DMD: variants seen among roughly 807,000 people sequenced by gnomAD.
DMD encodes mutant dystrophin.
A neutral mutation model predicts 330.1 loss-of-function variants in DMD; 63 were observed. That is an observed-to-expected ratio of 0.19 (90% confidence interval 0.16 to 0.24). The LOEUF is 0.24. Among genes scored for constraint, DMD ranks in the 10% least tolerant of loss-of-function variants. The pLI is 1.00. For synonymous variants in DMD, 1,223 were observed against 959.8 expected (o/e 1.27, Z -5.07); for missense variants, 3,344 against 2,684.1 (o/e 1.25, Z -5.43).
At chrX:32,165,125 G>T (rs1303802987) in intron 44 of DMD, among the ~76,000 whole-genome samples, 1 of 112,391 alleles carries the variant, frequency 8.9e-6, no homozygotes, top group Non-Finnish European at 1.9e-5. Context: ...CCCCAACACA[G>T]AGTCCCCACT....
intron 6 of DMD, among the ~76,000 whole-genome samples, chrX:32,815,602 T>C (rs778127285): frequency 2.7e-4 from 29 of 106,884 alleles, no homozygotes; most frequent in African/African-American, 9.9e-4. Context: ...ATTGTATCTC[T>C]AAGTGTATGT....
At chrX:31,571,491 G>A (rs1413437135) in intron 55 of DMD, among the ~76,000 whole-genome samples, 1 of 110,361 alleles carries the variant, frequency 9.1e-6, no homozygotes, top group Non-Finnish European at 1.9e-5. Context: ...TAGATTGTGA[G>A]CTCTGACTTC....
intron 50 of DMD, among the ~76,000 whole-genome samples, chrX:31,781,527 C>A (rs1410400507): frequency 8.9e-6 from 1 of 111,844 alleles, no homozygotes; most frequent in East Asian, 2.8e-4. Context: ...TTAAATATTA[C>A]CCTTGAGAAA....
intron 44 of DMD, among the ~76,000 whole-genome samples, chrX:32,194,401 C>T (rs1186484895): frequency 3.6e-5 from 4 of 112,013 alleles, no homozygotes; most frequent in Non-Finnish European, 7.5e-5. Context: ...ATTCTATTAC[C>T]GTAATTGAGT....
intron 9 of DMD, among the ~76,000 whole-genome samples, chrX:32,693,373 G>A (rs1268286988): frequency 8.9e-6 from 1 of 112,131 alleles, no homozygotes; most frequent in Non-Finnish European, 1.9e-5. Flanking sequence ...AATACATATA[G>A]ACACATGATT....
intron 43 of DMD, among the ~76,000 whole-genome samples, chrX:32,257,043 C>T (rs1161472975): frequency 3.6e-5 from 4 of 111,521 alleles, no homozygotes; most frequent in Non-Finnish European, 5.6e-5. Flanking sequence ...AGAGCCAAAT[C>T]GTGGGTGAAC....
At chrX:31,894,987 A>G (rs1416925197) in intron 47 of DMD, among the ~76,000 whole-genome samples, 1 of 112,155 alleles carries the variant, frequency 8.9e-6, no homozygotes, top group Non-Finnish European at 1.9e-5. Context: ...GGTTAAAAGA[A>G]AAATTATTTA....
chrX:32,953,819 G>T (rs757648406), intron 2 of DMD, among the ~76,000 whole-genome samples: 1 of 112,190 alleles, frequency 8.9e-6, no homozygotes, highest in Non-Finnish European at 1.9e-5. Context: ...GTTACCAAGA[G>T]GTTACAATGA....
chrX:31,645,375 C>A (rs1276224989), intron 54 of DMD, among the ~76,000 whole-genome samples: 1 of 112,075 alleles, frequency 8.9e-6, no homozygotes, highest in South Asian at 3.7e-4. Context: ...CTCTAGCTAG[C>A]TAGCTAATTA....
chrX:31,331,825 G>T (rs2057140043), intron 61 of DMD, among the ~76,000 whole-genome samples: 1 of 112,001 alleles, frequency 8.9e-6, no homozygotes. Flanking sequence ...ATTGTATTAG[G>T]CACCAGGGAA....
chrX:32,904,705 C>A (rs2086586258), intron 2 of DMD, among the ~76,000 whole-genome samples: 4 of 112,002 alleles, frequency 3.6e-5, no homozygotes, highest in South Asian at 3.7e-4. Context: ...TCCCAAGTAG[C>A]TGGGATTACA....
chrX:31,158,132 G>A (rs1254236043), intron 74 of DMD, among the ~76,000 whole-genome samples: 1 of 111,199 alleles, frequency 9.0e-6, no homozygotes, highest in Non-Finnish European at 1.9e-5. Flanking sequence ...AATAATTACC[G>A]GTACTTGTAC....
At chrX:33,045,062 G>T (rs1343288361) in intron 1 of DMD, among the ~76,000 whole-genome samples, 1 of 110,625 alleles carries the variant, frequency 9.0e-6, no homozygotes, top group Non-Finnish European at 1.9e-5. Context: ...ATAAAAGGGG[G>T]GTGGGGAAAG....
intron 42 of DMD, among the ~76,000 whole-genome samples, chrX:32,304,089 T>C (rs972566275): frequency 9.0e-6 from 1 of 111,548 alleles, no homozygotes; most frequent in Non-Finnish European, 1.9e-5. Flanking sequence ...CTTCATAGGA[T>C]GATGCATTGT....
intron 1 of DMD, among the ~76,000 whole-genome samples, chrX:33,133,146 G>A (rs1421391239): frequency 1.8e-5 from 2 of 110,701 alleles, no homozygotes; most frequent in Admixed American, 9.7e-5. Flanking sequence ...CAAGTAGTAG[G>A]GCCACCAAAG....
intron 44 of DMD, among the ~76,000 whole-genome samples, chrX:32,176,707 T>A (rs1306112691): frequency 1.8e-5 from 2 of 110,955 alleles, no homozygotes; most frequent in Non-Finnish European, 3.8e-5. Flanking sequence ...ACTTGTGACA[T>A]GAAGTGAGTC....
At chrX:32,231,843 TGCA>T in intron 43 of DMD, among the ~76,000 whole-genome samples, 1 of 111,223 alleles carries the variant, frequency 9.0e-6, no homozygotes, top group South Asian at 3.8e-4. Flanking sequence ...TCTCAAAGGT[TGCA>T]GCATTTAAAA....
chrX:32,774,720 C>T (rs1037553229), intron 7 of DMD, among the ~76,000 whole-genome samples: 1 of 110,971 alleles, frequency 9.0e-6, no homozygotes, highest in African/African-American at 3.3e-5. Flanking sequence ...TCCCTTGACA[C>T]GTGGGGATTA....
chrX:32,549,970 C>T (rs184183000), intron 16 of DMD, among the ~76,000 whole-genome samples: 70 of 112,539 alleles, frequency 6.2e-4, no homozygotes, highest in African/African-American at 2.2e-3. Flanking sequence ...CACTACAAGT[C>T]ATGTATAACT....
Sources: allele counts gnomAD v4.1 joint callset (sites outside exome capture counted in the v4.1 genomes callset), GRCh38; gene constraint gnomAD v4.1.1; transcripts MANE v1.5; gene names NCBI Gene and HGNC (gene_info 2026-07-23, HGNC 2026-07-21).